CSMD3: variants seen among roughly 807,000 people sequenced by gnomAD.
CSMD3 encodes the protein CUB and sushi domain-containing protein 3.
Under a neutral mutation model 435.2 loss-of-function variants are expected in CSMD3, and 177 were observed. The ratio of observed to expected loss-of-function variants is 0.41; its 90% CI spans 0.36 to 0.46. The LOEUF is 0.46. Among genes scored for constraint, CSMD3 ranks in the 20% least tolerant of loss-of-function variants. CSMD3 has a pLI of 0.34. For missense variants in CSMD3, 4,265 were observed against 4,504.6 expected (o/e 0.95, Z 1.52); for synonymous variants, 1,656 against 1,520.5 (o/e 1.09, Z -2.07).
chr8:112,578,125 T>C (rs1255059625), intron 23 of CSMD3, among the ~76,000 whole-genome samples: 1 of 152,102 alleles, frequency 6.6e-6, no homozygotes, highest in Non-Finnish European at 1.5e-5. Flanking sequence ...ACAATTTTTA[T>C]AATGGTCAAT....
At chr8:113,409,630 C>T (rs1038690617) in intron 1 of CSMD3, among the ~76,000 whole-genome samples, 3 of 152,138 alleles carry the variant, frequency 2.0e-5, no homozygotes, top group Non-Finnish European at 4.4e-5. Context: ...TTTCATTACA[C>T]TCTTAATTCT....
chr8:112,696,836 G>A (rs2076267753), intron 13 of CSMD3, among the ~76,000 whole-genome samples: 1 of 151,674 alleles, frequency 6.6e-6, no homozygotes, highest in Admixed American at 6.6e-5. Context: ...TCTGACAAAG[G>A]GCTAATATCC....
intron 22 of CSMD3, among the ~76,000 whole-genome samples, chr8:112,593,949 A>C (rs1831426122): frequency 6.6e-6 from 1 of 152,096 alleles, no homozygotes; most frequent in Non-Finnish European, 1.5e-5. Flanking sequence ...TTTTTTGGTT[A>C]GTTTTGAATT....
chr8:112,779,283 T>C (rs1379844026), intron 13 of CSMD3, among the ~76,000 whole-genome samples: 1 of 151,966 alleles, frequency 6.6e-6, no homozygotes, highest in Non-Finnish European at 1.5e-5. Context: ...TATATTATTA[T>C]TTTAAAAGAT....
intron 22 of CSMD3, among the ~76,000 whole-genome samples, chr8:112,620,728 G>A (rs1483310148): frequency 5.9e-5 from 9 of 151,944 alleles, no homozygotes; most frequent in Admixed American, 3.9e-4. Flanking sequence ...TTTGATCCCC[G>A]CCTCCTACTG....
At chr8:112,502,087 C>G (rs1822024645) in intron 30 of CSMD3, among the ~76,000 whole-genome samples, 1 of 152,108 alleles carries the variant, frequency 6.6e-6, no homozygotes, top group Non-Finnish European at 1.5e-5. Context: ...GAAAAATGAC[C>G]TTGAATGCTC....
At chr8:112,527,278 A>G (rs1266661653) in intron 27 of CSMD3, among the ~76,000 whole-genome samples, 1 of 151,230 alleles carries the variant, frequency 6.6e-6, no homozygotes, top group Non-Finnish European at 1.5e-5. Flanking sequence ...GCATCATATG[A>G]TATATATATA....
At chr8:112,855,710 T>C (rs762807129) in intron 11 of CSMD3, among the ~76,000 whole-genome samples, 3 of 151,774 alleles carry the variant, frequency 2.0e-5, no homozygotes, top group South Asian at 2.1e-4. Flanking sequence ...GAGAAATAGA[T>C]GATAGAGACA....
At chr8:112,872,184 T>C (rs1283605700) in intron 10 of CSMD3, among the ~76,000 whole-genome samples, 1 of 152,036 alleles carries the variant, frequency 6.6e-6, no homozygotes, top group African/African-American at 2.4e-5. Context: ...GAACTATCAA[T>C]AAGTAGTTCA....
chr8:112,915,452 T>C (rs2082545378), intron 10 of CSMD3, among the ~76,000 whole-genome samples: 1 of 151,836 alleles, frequency 6.6e-6, no homozygotes, highest in Non-Finnish European at 1.5e-5. Flanking sequence ...GAATTGTTAC[T>C]AATACATTTT....
At chr8:113,349,987 A>G (rs1017800046) in intron 1 of CSMD3, among the ~76,000 whole-genome samples, 1 of 152,030 alleles carries the variant, frequency 6.6e-6, no homozygotes, top group African/African-American at 2.4e-5. Context: ...GCAGTTTCCA[A>G]TTATGGTCTT....
chr8:113,302,005 A>G (rs1242279534), intron 2 of CSMD3, among the ~76,000 whole-genome samples: 2 of 151,348 alleles, frequency 1.3e-5, no homozygotes, highest in East Asian at 3.9e-4. Context: ...TGACTCAATG[A>G]AATAATTCAA....
At chr8:112,757,621 A>G (rs963132325) in intron 13 of CSMD3, among the ~76,000 whole-genome samples, 1 of 152,060 alleles carries the variant, frequency 6.6e-6, no homozygotes, top group East Asian at 1.9e-4. Context: ...TCTTTGATGG[A>G]TCTAAGAAGA....
intron 22 of CSMD3, among the ~76,000 whole-genome samples, chr8:112,603,400 T>C (rs1173753177): frequency 6.6e-6 from 1 of 152,250 alleles, no homozygotes; most frequent in Non-Finnish European, 1.5e-5. Flanking sequence ...TACATGGTAC[T>C]TTAAGCAATA....
intron 32 of CSMD3, among the ~76,000 whole-genome samples, chr8:112,420,939 C>G (rs1053982052): frequency 6.6e-6 from 1 of 152,172 alleles, no homozygotes; most frequent in East Asian, 1.9e-4. Context: ...TTGCCTCCTA[C>G]GCACACTCTG....
chr8:112,827,252 T>A (rs1222435679), intron 12 of CSMD3, among the ~76,000 whole-genome samples: 1 of 128,072 alleles, frequency 7.8e-6, no homozygotes, highest in African/African-American at 4.0e-5. Flanking sequence ...CTCAAATAGC[T>A]TTTTTTTGTT....
chr8:113,200,655 G>C (rs2092707324), intron 3 of CSMD3, among the ~76,000 whole-genome samples: 1 of 150,866 alleles, frequency 6.6e-6, no homozygotes, highest in African/African-American at 2.4e-5. Flanking sequence ...TAGAAGAAGG[G>C]AGTAAGTGTA....
intron 22 of CSMD3, among the ~76,000 whole-genome samples, chr8:112,620,665 TA>T (rs1258621560): frequency 6.6e-6 from 1 of 152,092 alleles, no homozygotes; most frequent in African/African-American, 2.4e-5. Flanking sequence ...GGCCAGCCAA[TA>T]AAAAGAGATA....
At chr8:113,417,007 G>T (rs1487616610) in intron 1 of CSMD3, among the ~76,000 whole-genome samples, 2 of 151,784 alleles carry the variant, frequency 1.3e-5, no homozygotes, top group African/African-American at 2.4e-5. Context: ...ATAAATATAA[G>T]AACATAATAT....
Sources: gnomAD v4.1 joint callset for allele counts (sites outside exome capture counted in the v4.1 genomes callset) on GRCh38, gnomAD v4.1.1 for gene constraint, MANE v1.5 for transcripts, NCBI Gene and HGNC (gene_info 2026-07-23, HGNC 2026-07-21) for gene names.